LDLRAD3: variants seen among roughly 807,000 people sequenced by gnomAD.
LDLRAD3 encodes the protein low density lipoprotein receptor class A domain containing 3.
A neutral mutation model predicts 29.4 loss-of-function variants in LDLRAD3; 20 were observed. The ratio of observed to expected loss-of-function variants is 0.68; its 90% confidence interval spans 0.48 to 0.99. The LOEUF (loss-of-function observed/expected upper bound fraction) is 0.99, where lower values mean the gene tolerates loss of function less well. LDLRAD3 is among the 50% of genes least tolerant of loss of function. The pLI, the probability that LDLRAD3 is intolerant of heterozygous loss-of-function variation, is 0.00. For missense variants in LDLRAD3, 420 were observed against 454.3 expected (o/e 0.92, Z 0.69); for synonymous variants, 157 against 192.7 (o/e 0.81, Z 1.53).
At chr11:36,074,510 G>A (rs575928001) in intron 2 of LDLRAD3, among the ~76,000 whole-genome samples, 3 of 152,170 alleles carry the variant, frequency 2.0e-5, no homozygotes, top group Non-Finnish European at 4.4e-5. Flanking sequence ...GAAGGAACAA[G>A]GAAGCCTGTG....
chr11:36,083,273 G>A (rs560222293), intron 3 of LDLRAD3, among the ~76,000 whole-genome samples: 5 of 152,108 alleles, frequency 3.3e-5, no homozygotes, highest in African/African-American at 9.6e-5. Flanking sequence ...AGTATCATAC[G>A]GAATAGTTTC....
chr11:36,163,343 AT>A (rs970561508), intron 4 of LDLRAD3: 1 of 152,222 alleles, frequency 6.6e-6, no homozygotes, highest in African/African-American at 2.4e-5. Context: ...CTCCACTCTG[AT>A]TATTCAGCAG....
At chr11:36,201,931 C>A (rs1352799331) in intron 4 of LDLRAD3, among the ~76,000 whole-genome samples, 1 of 152,138 alleles carries the variant, frequency 6.6e-6, no homozygotes, top group African/African-American at 2.4e-5. Context: ...AACAGCAATA[C>A]CTTGGAATAG....
At chr11:35,950,340 A>AGTT (rs1851115437) in intron 1 of LDLRAD3, among the ~76,000 whole-genome samples, 1 of 152,196 alleles carries the variant, frequency 6.6e-6, no homozygotes, top group Admixed American at 6.5e-5. Flanking sequence ...TTCAGAGGTG[A>AGTT]TGACACATGT....
intron 4 of LDLRAD3, among the ~76,000 whole-genome samples, chr11:36,133,824 A>T (rs1853965497): frequency 6.6e-6 from 1 of 152,036 alleles, no homozygotes; most frequent in East Asian, 1.9e-4. Context: ...GGCATGAGCC[A>T]CCGCGCCCGG....
At chr11:36,009,587 G>C (rs1023949821) in intron 1 of LDLRAD3, among the ~76,000 whole-genome samples, 6 of 152,168 alleles carry the variant, frequency 3.9e-5, no homozygotes, top group Non-Finnish European at 7.3e-5. Context: ...GAAAGAATGG[G>C]TTTCCCACCT....
chr11:36,140,992 TTCTCTCTCTCTCTCTCTCTCTC>T (rs557939353), intron 4 of LDLRAD3, among the ~76,000 whole-genome samples: 12 of 109,996 alleles, frequency 1.1e-4, no homozygotes, highest in Admixed American at 4.2e-4. Flanking sequence ...CTGTTGAGCT[TTCTCTCTCTCTCTCTCTCTCTC>T]TCTCTCTCTC....
chr11:36,044,384 A>C (rs1852420860), intron 2 of LDLRAD3, among the ~76,000 whole-genome samples: 1 of 152,096 alleles, frequency 6.6e-6, no homozygotes, highest in East Asian at 1.9e-4. Context: ...TGAGGCTTGT[A>C]GCTGGTGCCT....
chr11:35,959,522 G>A (rs80349870), intron 1 of LDLRAD3, among the ~76,000 whole-genome samples: 1,569 of 152,236 alleles, frequency 0.01, 10 homozygotes, highest in Non-Finnish European at 0.014. Context: ...TGAATCTTCC[G>A]AATAGCGTAA....
chr11:36,022,803 C>T (rs114822753), intron 1 of LDLRAD3, among the ~76,000 whole-genome samples: 1,654 of 152,202 alleles, frequency 0.011, 27 homozygotes, highest in African/African-American at 0.038. Flanking sequence ...CAAACAGGTT[C>T]GTCTACACAG....
chr11:35,967,749 T>C (rs1851360220), intron 1 of LDLRAD3: 1 of 475,052 alleles, frequency 2.1e-6, no homozygotes, highest in African/African-American at 2.0e-5. Context: ...TGTAGAAGGA[T>C]GTCCTTGAGT....
At chr11:36,113,723 G>A (rs547268480) in intron 4 of LDLRAD3, among the ~76,000 whole-genome samples, 1 of 148,464 alleles carries the variant, frequency 6.7e-6, no homozygotes, top group South Asian at 2.2e-4. Context: ...ATCCAGGCTG[G>A]AGTTCAGCAG....
At chr11:35,983,737 T>C (rs1851573606) in intron 1 of LDLRAD3, among the ~76,000 whole-genome samples, 1 of 152,192 alleles carries the variant, frequency 6.6e-6, no homozygotes, top group Non-Finnish European at 1.5e-5. Flanking sequence ...TTCAAGTGAT[T>C]CTCCTGCCTC....
intron 2 of LDLRAD3, among the ~76,000 whole-genome samples, chr11:36,038,766 G>A (rs1280739064): frequency 6.6e-6 from 1 of 152,072 alleles, no homozygotes; most frequent in Non-Finnish European, 1.5e-5. Context: ...AAGTGTGGTG[G>A]AGGTTTGAGT....
chr11:36,144,476 G>A (rs1854140064), intron 4 of LDLRAD3, among the ~76,000 whole-genome samples: 1 of 150,972 alleles, frequency 6.6e-6, no homozygotes, highest in African/African-American at 2.4e-5. Flanking sequence ...TCCCATCTAG[G>A]AAGTGAGGAG....
intron 1 of LDLRAD3, among the ~76,000 whole-genome samples, chr11:36,018,668 A>G (rs532406543): frequency 9.2e-5 from 14 of 152,316 alleles, no homozygotes; most frequent in African/African-American, 1.4e-4. Context: ...AGGTGCTGTC[A>G]AATGGCCCTA....
At chr11:36,111,408 T>G (rs1853603600) in intron 4 of LDLRAD3, among the ~76,000 whole-genome samples, 1 of 151,978 alleles carries the variant, frequency 6.6e-6, no homozygotes, top group South Asian at 2.1e-4. Context: ...ATCAGGTCAG[T>G]TATGTCTTTT....
At chr11:35,957,451 G>A (rs1215880238) in intron 1 of LDLRAD3, among the ~76,000 whole-genome samples, 1 of 152,154 alleles carries the variant, frequency 6.6e-6, no homozygotes, top group Admixed American at 6.5e-5. Context: ...GCTTTTACAT[G>A]ATGGTCATGA....
At chr11:35,945,071 C>T (rs927029619) in intron 1 of LDLRAD3, among the ~76,000 whole-genome samples, 5 of 152,212 alleles carry the variant, frequency 3.3e-5, no homozygotes, top group African/African-American at 1.2e-4. Context: ...GGCCCCTTGA[C>T]GTTTATTTCT....
Sources: allele counts gnomAD v4.1 joint callset (sites outside exome capture counted in the v4.1 genomes callset), GRCh38; gene constraint gnomAD v4.1.1; transcripts MANE v1.5; gene names NCBI Gene and HGNC (gene_info 2026-07-23, HGNC 2026-07-21).